The following CAMKMT variants were observed in gnomAD, a reference collection of about 807,000 sequenced individuals.
The protein encoded by CAMKMT is calmodulin-lysine N-methyltransferase.
CAMKMT carries 53 observed loss-of-function variants against 48.0 expected under a neutral mutation model. The ratio of observed to expected loss-of-function variants is 1.10; its 90% CI spans 0.89 to 1.39. The LOEUF is 1.39. Among genes scored for constraint, CAMKMT ranks in the 40% most tolerant of loss-of-function variants. The probability of loss-of-function intolerance (pLI) is 0.00; values close to 1 mark genes in which losing one functional copy is unlikely to be tolerated. For synonymous variants in CAMKMT, 165 were observed against 152.3 expected (o/e 1.08, Z -0.61); for missense variants, 428 against 402.7 (o/e 1.06, Z -0.54).
chr2:44,392,319 C>G (rs1451881444), intron 3 of CAMKMT, among the ~76,000 whole-genome samples: 1 of 151,738 alleles, frequency 6.6e-6, no homozygotes, highest in Non-Finnish European at 1.5e-5. Context: ...GTTTTGTGTA[C>G]CTTTTATGTT....
chr2:44,699,456 G>A (rs1386081445), intron 3 of CAMKMT, among the ~76,000 whole-genome samples: 2 of 152,156 alleles, frequency 1.3e-5, no homozygotes, highest in African/African-American at 2.4e-5. Flanking sequence ...TTGAAGGGAA[G>A]TGCTTTTTTC....
intron 3 of CAMKMT, among the ~76,000 whole-genome samples, chr2:44,595,693 AT>A (rs1291831630): frequency 1.3e-5 from 2 of 152,230 alleles, no homozygotes; most frequent in South Asian, 2.1e-4. Flanking sequence ...ATGTATGTTT[AT>A]TGCGGCACTG....
rs531471162 is a variant in CAMKMT at position 44,413,468 on chromosome 2, G to A, written c.376+23163G>A. Among the ~76,000 whole-genome samples, 7 of 152,010 alleles carry A rather than the reference G, an allele frequency of 4.6e-5. No homozygotes were observed. In the South Asian group the frequency reaches 1.5e-3, roughly 32 times the overall value. On this transcript the variant is annotated intron_variant, in intron 3 of 10. Coordinates refer to ENST00000378494, the MANE Select transcript of CAMKMT (RefSeq NM_024766.5). ...GGAGTTCAAGACCAGCCTGGACAACGTAGTGAAACCCCGTGTCTACTAAAA... is the reference window on the plus strand; with the variant it reads ...GGAGTTCAAGACCAGCCTGGACAACATAGTGAAACCCCGTGTCTACTAAAA...
intron 3 of CAMKMT, among the ~76,000 whole-genome samples, chr2:44,531,197 C>T (rs969428057): frequency 6.6e-5 from 10 of 152,024 alleles, no homozygotes; most frequent in South Asian, 2.1e-4. Context: ...TTTTGTTCTG[C>T]GCGGTTTTTA....
chr2:44,421,253 G>T (rs191024324), intron 3 of CAMKMT, among the ~76,000 whole-genome samples: 364 of 152,184 alleles, frequency 2.4e-3, no homozygotes, highest in African/African-American at 7.9e-3. Context: ...TTTGAAGAAA[G>T]ACTTTTGTCT....
At chr2:44,680,481 T>C (rs1026224782) in intron 3 of CAMKMT, among the ~76,000 whole-genome samples, 3 of 152,142 alleles carry the variant, frequency 2.0e-5, no homozygotes, top group Non-Finnish European at 4.4e-5. Flanking sequence ...TAAAACAAAA[T>C]AGCCCTGGTC....
intron 4 of CAMKMT, chr2:44,705,210 T>C (rs1677484900): frequency 4.4e-6 from 1 of 228,730 alleles, no homozygotes; most frequent in Non-Finnish European, 7.2e-6. Context: ...CAAACACTCA[T>C]TAAGTGTGTT....
At chr2:44,383,115 C>T (rs1034228889) in intron 2 of CAMKMT, among the ~76,000 whole-genome samples, 2 of 151,828 alleles carry the variant, frequency 1.3e-5, no homozygotes, top group African/African-American at 4.8e-5. Context: ...TGATGTCTCT[C>T]TGTGTCCTAC....
intron 3 of CAMKMT, among the ~76,000 whole-genome samples, chr2:44,637,344 G>A (rs1673190226): frequency 6.6e-6 from 1 of 152,160 alleles, no homozygotes; most frequent in Non-Finnish European, 1.5e-5. Flanking sequence ...ATAAACACCA[G>A]ATTATCATAT....
chr2:44,713,949 T>G (rs1248755973), intron 6 of CAMKMT, among the ~76,000 whole-genome samples: 3 of 152,170 alleles, frequency 2.0e-5, no homozygotes, highest in African/African-American at 7.2e-5. Context: ...TGGGCCCAAT[T>G]TAGTTCAACT....
chr2:44,456,860 G>T, intron 3 of CAMKMT: 1 of 398,560 alleles, frequency 2.5e-6, no homozygotes, highest in Non-Finnish European at 4.5e-6. Context: ...CTAGTGTCTG[G>T]GATACTAACT....
intron 1 of CAMKMT, among the ~76,000 whole-genome samples, chr2:44,367,752 C>T (rs1033603369): frequency 6.6e-6 from 1 of 152,148 alleles, no homozygotes; most frequent in East Asian, 1.9e-4. Flanking sequence ...AAGCTGTACT[C>T]GATGTTTAAG....
chr2:44,715,587 A>T (rs925313174), intron 7 of CAMKMT, among the ~76,000 whole-genome samples: 17 of 152,338 alleles, frequency 1.1e-4, no homozygotes, highest in Middle Eastern at 3.4e-3. Context: ...AAGTATATTA[A>T]ACACTGGGTT....
At chr2:44,538,359 C>T (rs1376355687) in intron 3 of CAMKMT, among the ~76,000 whole-genome samples, 3 of 142,332 alleles carry the variant, frequency 2.1e-5, no homozygotes, top group Non-Finnish European at 4.6e-5. Flanking sequence ...CAGAGCGAGA[C>T]GCCATCTCAA....
chr2:44,459,716 G>A (rs1166326520), intron 3 of CAMKMT, among the ~76,000 whole-genome samples: 1 of 152,162 alleles, frequency 6.6e-6, no homozygotes, highest in Non-Finnish European at 1.5e-5. Flanking sequence ...CCTAAGAATA[G>A]TACTAGTATA....
intron 6 of CAMKMT, among the ~76,000 whole-genome samples, chr2:44,708,151 CA>C (rs1389873080): frequency 1.4e-5 from 2 of 144,824 alleles, no homozygotes; most frequent in Admixed American, 7.0e-5. Flanking sequence ...CTGATTTGTT[CA>C]GGGGCAGTTA....
chr2:44,520,436 C>T (rs986322490), intron 3 of CAMKMT, among the ~76,000 whole-genome samples: 1 of 152,074 alleles, frequency 6.6e-6, no homozygotes, highest in Admixed American at 6.6e-5. Flanking sequence ...TTTTAAATTA[C>T]TATGCAATAC....
intron 3 of CAMKMT, among the ~76,000 whole-genome samples, chr2:44,660,954 GT>G (rs200915691): frequency 4.6e-5 from 7 of 151,574 alleles, no homozygotes; most frequent in Non-Finnish European, 7.4e-5. Context: ...TTTGGGAATA[GT>G]TTTTTTTTAA....
intron 3 of CAMKMT, among the ~76,000 whole-genome samples, chr2:44,518,718 A>G (rs1015978295): frequency 6.6e-6 from 1 of 152,206 alleles, no homozygotes; most frequent in African/African-American, 2.4e-5. Flanking sequence ...GCCAGAGTGC[A>G]AGTGTCCTTA....
Sources: gnomAD v4.1 joint callset for allele counts (sites outside exome capture counted in the v4.1 genomes callset) on GRCh38, gnomAD v4.1.1 for gene constraint, MANE v1.5 for transcripts, NCBI Gene and HGNC (gene_info 2026-07-23, HGNC 2026-07-21) for gene names.